The following CTNNA2 variants were observed in gnomAD, a reference collection of about 807,000 sequenced individuals.
CTNNA2 encodes the protein catenin alpha-2.
Under a neutral mutation model 101.0 loss-of-function variants are expected in CTNNA2, and 42 were observed. The ratio of observed to expected loss-of-function variants is 0.42; its 90% CI spans 0.32 to 0.54. The LOEUF is 0.54. CTNNA2 is among the 20% of genes least tolerant of loss of function. The pLI, the probability that CTNNA2 is intolerant of heterozygous loss-of-function variation, is 0.14. For synonymous variants in CTNNA2, 450 were observed against 456.4 expected (o/e 0.99, Z 0.18); for missense variants, 871 against 1,223.1 (o/e 0.71, Z 4.29).
rs563922537 is a variant in CTNNA2, at chr2:79,475,478, A to G, written c.-134-29576A>G. On this transcript the variant is annotated intron_variant, in intron 4 of 21. Transcript: ENST00000466387. Reference sequence around the variant, plus strand: ...GAACGTTCACAAAGTGCTAGCATTGAATAAAGCAGATTTGATTTGTGGTTT... The same window carrying G: ...GAACGTTCACAAAGTGCTAGCATTGGATAAAGCAGATTTGATTTGTGGTTT... 2.6e-5 allele frequency among the ~76,000 whole-genome samples: 4 copies of G among 152,312 alleles called. No homozygotes were observed. In the East Asian group the frequency reaches 7.7e-4, roughly 29 times the overall value.
intron 7 of CTNNA2, among the ~76,000 whole-genome samples, chr2:80,084,150 G>T (rs1699310717): frequency 6.6e-6 from 1 of 152,118 alleles, no homozygotes; most frequent in South Asian, 2.1e-4. Flanking sequence ...TCTGTTGTTT[G>T]TAATGGGATT....
chr2:80,604,206 A>C (rs1697799012), intron 16 of CTNNA2, 27 bp downstream of exon 16: 2 of 1,578,804 alleles, frequency 1.3e-6, no homozygotes, highest in East Asian at 2.2e-5. Flanking sequence ...GGGTGGGCAC[A>C]TGCTGAGTGG....
At chr2:79,305,865 G>A (rs1676228508) in intron 2 of CTNNA2, among the ~76,000 whole-genome samples, 1 of 151,950 alleles carries the variant, frequency 6.6e-6, no homozygotes, top group Admixed American at 6.6e-5. Context: ...CTAACACGGT[G>A]AAACCCCATA....
intron 4 of CTNNA2, among the ~76,000 whole-genome samples, chr2:79,388,882 A>G (rs1678136438): frequency 6.6e-6 from 1 of 152,082 alleles, no homozygotes; most frequent in South Asian, 2.1e-4. Flanking sequence ...CATCCCAGAA[A>G]TATTTTTTCC....
At chr2:79,655,220 CA>C (rs1405106636) in intron 2 of CTNNA2, among the ~76,000 whole-genome samples, 1 of 152,124 alleles carries the variant, frequency 6.6e-6, no homozygotes, top group African/African-American at 2.4e-5. Context: ...TTGGAGTTTA[CA>C]CTTAAGAGTA....
intron 8 of CTNNA2, among the ~76,000 whole-genome samples, chr2:80,404,847 A>G (rs1678918349): frequency 6.6e-6 from 1 of 152,204 alleles, no homozygotes; most frequent in Non-Finnish European, 1.5e-5. Context: ...AGTTAAGATC[A>G]GTGATTTTGT....
chr2:79,515,731 G>C (rs1272042650), intron 1 of CTNNA2, among the ~76,000 whole-genome samples: 2 of 152,176 alleles, frequency 1.3e-5, no homozygotes, highest in African/African-American at 4.8e-5. Flanking sequence ...TTGCCTCCTT[G>C]ACTATAATCC....
intron 4 of CTNNA2, among the ~76,000 whole-genome samples, chr2:79,384,937 T>A (rs1042140568): frequency 3.7e-4 from 56 of 152,220 alleles, no homozygotes; most frequent in Middle Eastern, 3.2e-3. Flanking sequence ...ACAACATTAG[T>A]ACTAAAACAG....
At chr2:80,200,536 G>A (rs905703679) in intron 7 of CTNNA2, among the ~76,000 whole-genome samples, 2 of 151,924 alleles carry the variant, frequency 1.3e-5, no homozygotes. Context: ...TTGTTTGTTT[G>A]TTTGTTTGTT....
intron 2 of CTNNA2, among the ~76,000 whole-genome samples, chr2:79,679,367 T>G (rs990121163): frequency 3.3e-5 from 5 of 152,168 alleles, no homozygotes; most frequent in African/African-American, 9.6e-5. Flanking sequence ...GTGGGCGGGT[T>G]GGCATCCCAC....
chr2:80,523,482 A>G (rs1394693968), intron 9 of CTNNA2, among the ~76,000 whole-genome samples: 2 of 152,194 alleles, frequency 1.3e-5, no homozygotes, highest in Admixed American at 1.3e-4. Flanking sequence ...AGAAAGTTAT[A>G]AGGTAGATGG....
chr2:80,094,106 C>T (rs1699982358), intron 7 of CTNNA2, among the ~76,000 whole-genome samples: 1 of 152,152 alleles, frequency 6.6e-6, no homozygotes, highest in South Asian at 2.1e-4. Context: ...ATGGTATTGC[C>T]TAGGTTTTCT....
intron 7 of CTNNA2, among the ~76,000 whole-genome samples, chr2:80,053,614 T>G (rs570657362): frequency 6.6e-6 from 1 of 152,330 alleles, no homozygotes; most frequent in East Asian, 1.9e-4. Context: ...TTCCAAACCT[T>G]GTTAAAATGC....
chr2:80,400,665 A>G (rs1168905847), intron 8 of CTNNA2, among the ~76,000 whole-genome samples: 1 of 152,172 alleles, frequency 6.6e-6, no homozygotes, highest in African/African-American at 2.4e-5. Context: ...CCACTTTTCA[A>G]GACAGTGACA....
At chr2:79,210,372 A>T (rs571801913) in intron 2 of CTNNA2, among the ~76,000 whole-genome samples, 1 of 152,346 alleles carries the variant, frequency 6.6e-6, no homozygotes, top group Admixed American at 6.5e-5. Context: ...TATTCATTAC[A>T]TTTAAATGTA....
At chr2:80,259,930 A>G (rs1672470270) in intron 7 of CTNNA2, among the ~76,000 whole-genome samples, 1 of 152,202 alleles carries the variant, frequency 6.6e-6, no homozygotes, top group South Asian at 2.1e-4. Flanking sequence ...GGTGTGTTTT[A>G]TAATCTTGGA....
At chr2:80,622,329 C>A (rs1462490721) in intron 18 of CTNNA2, among the ~76,000 whole-genome samples, 1 of 151,872 alleles carries the variant, frequency 6.6e-6, no homozygotes, top group South Asian at 2.1e-4. Context: ...GAGGAAGACT[C>A]TAGCTTGGAG....
intron 3 of CTNNA2, among the ~76,000 whole-genome samples, chr2:79,824,836 TTTG>T (rs1348954407): frequency 2.0e-5 from 3 of 152,164 alleles, no homozygotes; most frequent in Non-Finnish European, 2.9e-5. Flanking sequence ...TCAAATATAA[TTTG>T]TTTTCAAATT....
intron 3 of CTNNA2, among the ~76,000 whole-genome samples, chr2:79,833,375 A>G (rs1679074590): frequency 6.6e-6 from 1 of 152,154 alleles, no homozygotes; most frequent in Non-Finnish European, 1.5e-5. Flanking sequence ...TCCCTTCACT[A>G]CACAGGAATT....
Sources: allele counts gnomAD v4.1 joint callset (sites outside exome capture counted in the v4.1 genomes callset), GRCh38; gene constraint gnomAD v4.1.1; transcripts MANE v1.5; gene names NCBI Gene and HGNC (gene_info 2026-07-23, HGNC 2026-07-21).